Variants in KDM5A observed in about 807,000 individuals in gnomAD.
KDM5A encodes lysine demethylase 5A, also known as lysine-specific demethylase 5A.
Under a neutral mutation model 193.5 loss-of-function variants are expected in KDM5A, and 42 were observed. That is an observed-to-expected ratio of 0.22 (90% CI 0.17 to 0.28). The LOEUF (loss-of-function observed/expected upper bound fraction) is 0.28, where lower values mean the gene tolerates loss of function less well. KDM5A is among the 10% of genes least tolerant of loss of function. KDM5A has a pLI of 1.00. For missense variants in KDM5A, 1,692 were observed against 2,055.1 expected (o/e 0.82, Z 3.42); for synonymous variants, 796 against 718.1 (o/e 1.11, Z -1.73).
chr12:331,867 G>A lies in KDM5A; in HGVS notation c.1725C>T (p.Asn575=), dbSNP rs1477741838. Residue 575 remains asparagine (N), a synonymous_variant, in exon 13 of 28, where the codon AAC becomes AAT. Coordinates refer to ENST00000399788, the MANE Select transcript of KDM5A (RefSeq NM_001042603.3). ...CAGCTTCAGCAAAGTTGTAGCCCTG[G>A]TTAAATCCAGAGTGATAGGCACGAG... ...TFPRAYHSGF[N]QGYNFAEAVN... The A allele has an allele frequency of 6.2e-7, 1 of 1,614,022 alleles. No homozygotes were observed. Among genetic ancestry groups the A allele is most frequent in the Admixed American group, 1.7e-5 (1 of 60,012 alleles).
At chr12:356,570 T>A (rs1387211642) in intron 5 of KDM5A, 33 bp from the exon 6 acceptor site, 1 of 1,255,248 alleles carries the variant, frequency 8.0e-7, no homozygotes, top group South Asian at 1.2e-5. Flanking sequence ...ATTAGCATAA[T>A]CATGCTGATT....
At chr12:369,471 A>C (rs762546818) in intron 3 of KDM5A, among the ~76,000 whole-genome samples, 4 of 152,232 alleles carry the variant, frequency 2.6e-5, no homozygotes, top group Non-Finnish European at 5.9e-5. Flanking sequence ...AACAATGAAC[A>C]TAATATATAA....
intron 3 of KDM5A, among the ~76,000 whole-genome samples, chr12:367,184 G>A (rs1240916982): frequency 2.6e-5 from 4 of 152,012 alleles, no homozygotes; most frequent in Non-Finnish European, 4.4e-5. Context: ...AGAATAAAGG[G>A]GACTGTGACA....
chr12:333,267 C>A, intron 12 of KDM5A: 2 of 566,160 alleles, frequency 3.5e-6, no homozygotes, highest in Non-Finnish European at 6.3e-6. Flanking sequence ...AAAAATACAA[C>A]AATTAGCCGG....
Position 328,850 on chromosome 12 carries a change from C to T in KDM5A, c.1953G>A (p.Glu651=), listed in dbSNP as rs747712525. ...LMTEEETRLR[E]SVVQMGVLMS... ...GCAAACTCACCATCTGTACAACAGACTCTCTTAATCGTGTTTCTTCTTCAG... is the reference window on the plus strand; with the variant it reads ...GCAAACTCACCATCTGTACAACAGATTCTCTTAATCGTGTTTCTTCTTCAG... Residue 651 remains glutamate (E), a synonymous_variant, in exon 14 of 28, where the codon GAG becomes GAA. Coordinates refer to ENST00000399788, the MANE Select transcript of KDM5A (RefSeq NM_001042603.3). 7 of 1,613,868 alleles carry T rather than the reference C, an allele frequency of 4.3e-6. No homozygotes were observed. In the South Asian group the frequency reaches 5.5e-5, roughly 13 times the overall value.
intron 24 of KDM5A, among the ~76,000 whole-genome samples, chr12:300,128 A>G (rs1943424042): frequency 6.6e-6 from 1 of 152,054 alleles, no homozygotes; most frequent in Non-Finnish European, 1.5e-5. Context: ...GATCAATGAG[A>G]TGGAAAATTA....
intron 10 of KDM5A, among the ~76,000 whole-genome samples, chr12:344,078 G>A (rs911396206): frequency 6.6e-6 from 1 of 152,224 alleles, no homozygotes; most frequent in African/African-American, 2.4e-5. Context: ...TAAATGACCT[G>A]ATGGAGCTGA....
intron 10 of KDM5A, among the ~76,000 whole-genome samples, chr12:335,801 G>A (rs1222084248): frequency 6.6e-6 from 1 of 152,026 alleles, no homozygotes; most frequent in Non-Finnish European, 1.5e-5. Context: ...CAGCACTTTG[G>A]GAGGGTGAGG....
At chr12:290,435 T>C (rs1189382970) in intron 27 of KDM5A, among the ~76,000 whole-genome samples, 1 of 152,228 alleles carries the variant, frequency 6.6e-6, no homozygotes, top group East Asian at 1.9e-4. Flanking sequence ...TTACGTATCG[T>C]AACAGTTCAA....
intron 1 of KDM5A, among the ~76,000 whole-genome samples, chr12:387,662 A>C (rs1252861994): frequency 6.6e-6 from 1 of 152,196 alleles, no homozygotes; most frequent in Non-Finnish European, 1.5e-5. Flanking sequence ...TTCAAAATAC[A>C]CTTTGCCACT....
At position 282,000 on chromosome 12, in the gene KDM5A, A is replaced by G. The variant is rs1009172235; in HGVS notation, c.*3456T>C. ...AGCTCAGCCTGCACAGAAGCGCAGA[A>G]GCAAAGCCCAGGCAGAACCATGCTA... On this transcript the variant is annotated 3_prime_UTR_variant, in exon 28 of 28. Coordinates refer to ENST00000399788, the MANE Select transcript of KDM5A (RefSeq NM_001042603.3). 1 of 291,054 alleles carries G rather than the reference A, an allele frequency of 3.4e-6. No individual in the cohort carries two copies. Among genetic ancestry groups the G allele is most frequent in the Non-Finnish European group, 6.8e-6 (1 of 147,470 alleles). The allele number at this position is 291,054 out of a possible 1,614,324, so 18.0% of individuals were successfully genotyped here.
intron 3 of KDM5A, among the ~76,000 whole-genome samples, chr12:372,798 TG>T (rs1429666332): frequency 6.6e-6 from 1 of 152,240 alleles, no homozygotes; most frequent in African/African-American, 2.4e-5. Flanking sequence ...GTTTTTAGCA[TG>T]AAGCATTGTT....
intron 26 of KDM5A, among the ~76,000 whole-genome samples, chr12:294,734 A>G (rs1278517139): frequency 1.3e-5 from 2 of 152,242 alleles, no homozygotes; most frequent in Non-Finnish European, 2.9e-5. Flanking sequence ...GAATGAAAAG[A>G]AAAGAGTCAA....
intron 10 of KDM5A, among the ~76,000 whole-genome samples, chr12:340,369 T>C (rs1348980772): frequency 1.3e-5 from 2 of 152,072 alleles, no homozygotes; most frequent in East Asian, 1.9e-4. Flanking sequence ...GGCAACCTCA[T>C]GTGAGACTCC....
chr12:339,263 T>A (rs958490276), intron 10 of KDM5A, among the ~76,000 whole-genome samples: 3 of 152,032 alleles, frequency 2.0e-5, no homozygotes, highest in African/African-American at 7.2e-5. Context: ...AACACAAATG[T>A]ATAATTCCCA....
In KDM5A at chr12:285,526, C is replaced by T; in HGVS notation, c.5003G>A (p.Gly1668Asp). ...CAKKQGPVSP[G>D]PAPPPSFIMS... is the part of the protein sequence containing the mutation. ...TATGAAGGAAGGAGGTGGTGCTGGA[C>T]CTGGGCTAACTGGCCCCTGCTTCTT... is the stretch of plus-strand genomic sequence containing the variant. The change falls in exon 28 of 28, where the codon GGT (glycine) becomes GAT (aspartate). Residue 1668 changes from glycine (G) to aspartate (D), a missense_variant. Gly to Asp is a moderately conservative substitution (Grantham distance 94). Coordinates refer to ENST00000399788, the MANE Select transcript of KDM5A (RefSeq NM_001042603.3). 6.2e-7 allele frequency: 1 copy of T among 1,614,054 alleles called. No homozygotes were observed.
At chr12:354,406 T>A (rs1274680527) in intron 7 of KDM5A, among the ~76,000 whole-genome samples, 172 bp from the exon 8 acceptor site, 1 of 152,204 alleles carries the variant, frequency 6.6e-6, no homozygotes, top group Non-Finnish European at 1.5e-5. Flanking sequence ...TAAAACTCCC[T>A]AAATTTCCTT....
chr12:303,592 G>A (rs773881638), intron 24 of KDM5A, among the ~76,000 whole-genome samples: 3 of 151,778 alleles, frequency 2.0e-5, no homozygotes, highest in Non-Finnish European at 4.4e-5. Flanking sequence ...ACCATGGCAC[G>A]TGTATACCTA....
intron 24 of KDM5A, among the ~76,000 whole-genome samples, chr12:299,450 C>T (rs1259757893): frequency 6.6e-6 from 1 of 152,156 alleles, no homozygotes; most frequent in African/African-American, 2.4e-5. Flanking sequence ...CCAAACTAAG[C>T]TTCGTAAGTG....
Sources: allele counts gnomAD v4.1 joint callset (sites outside exome capture counted in the v4.1 genomes callset), GRCh38; gene constraint gnomAD v4.1.1; transcripts MANE v1.5; gene names NCBI Gene and HGNC (gene_info 2026-07-23, HGNC 2026-07-21).